Variants in XPC observed in about 807,000 individuals in gnomAD.
XPC encodes the protein XPC complex subunit, DNA damage recognition and repair factor.
In XPC, 76 loss-of-function variants were observed where a neutral mutation model predicts 95.8. That is an observed-to-expected ratio of 0.79 (90% CI 0.66 to 0.96). The LOEUF is 0.96. XPC is among the 40% of genes least tolerant of loss of function. The pLI is 0.00. For missense variants in XPC, 1,146 were observed against 1,179.8 expected (o/e 0.97, Z 0.42); for synonymous variants, 442 against 442.1 (o/e 1.00, Z 0.00).
rs758310257 is a variant in XPC, at chr3:14,178,535, G to C, written c.34C>G (p.Arg12Gly). Reference protein sequence around the residue: ...ARKRAAGGEPRGRELRSQKSK... With the variant: ...ARKRAAGGEPGGRELRSQKSK... ...TTCTGGCTGCGCAGTTCGCGTCCCCGCGGCTCCCCGCCGGCCGCGCGTTTC... is the reference window on the plus strand; with the variant it reads ...TTCTGGCTGCGCAGTTCGCGTCCCCCCGGCTCCCCGCCGGCCGCGCGTTTC... The change falls in exon 1 of 16, where the codon CGG (arginine) becomes GGG (glycine). Residue 12 changes from arginine to glycine, a missense_variant. Transcript: ENST00000285021. 1.5e-5 allele frequency: 25 copies of C among 1,612,960 alleles called. No homozygotes were observed. Among genetic ancestry groups the C allele is most frequent in the Non-Finnish European group, 2.0e-5 (24 of 1,179,614 alleles).
At position 14,167,248 on chromosome 3, in the gene XPC, T is replaced by G; in HGVS notation, c.542A>C (p.Lys181Thr). 2 of 1,611,696 alleles carry G rather than the reference T, an allele frequency of 1.2e-6. No individual in the cohort carries two copies. The highest frequency in any genetic ancestry group is 1.7e-6 in the Non-Finnish European group (2 of 1,178,836). The change falls in exon 5 of 16, where the codon AAG becomes ACG. Residue 181 changes from lysine (K) to threonine (T), a missense_variant. Coordinates refer to ENST00000285021, the MANE Select transcript of XPC (RefSeq NM_004628.5). ...ATATGTCTCAAACTCCAGTTTTATCTTTTCACTGCAACAAATAGTGAAAAA... is the reference window on the plus strand; with the variant it reads ...ATATGTCTCAAACTCCAGTTTTATCGTTTCACTGCAACAAATAGTGAAAAA... ...EQAKTRERSE[K>T]IKLEFETYLR...
At chr3:14,156,742 T>G (rs913449367) in intron 9 of XPC, among the ~76,000 whole-genome samples, 2 of 152,202 alleles carry the variant, frequency 1.3e-5, no homozygotes, top group African/African-American at 4.8e-5. Context: ...TCTAACCTAT[T>G]TGAATGCTTA....
Position 14,145,307 on chromosome 3 carries a change from CTTTCCTGAT to C in XPC, c.*625_*633del. 2 of 697,436 alleles carry C rather than the reference CTTTCCTGAT, an allele frequency of 2.9e-6. No individual in the cohort carries two copies. Among genetic ancestry groups the C allele is most frequent in the Non-Finnish European group, 5.2e-6 (2 of 383,838 alleles). 43.2% of individuals were successfully genotyped at this position (697,436 alleles called of 1,614,324 possible). ...ATTTTCAATTCGTATTTTTCCTTTTCTTTCCTGATTTTAGCTTTTTTTAGGCTTCTGTCA... is the reference window on the plus strand; with the variant it reads ...ATTTTCAATTCGTATTTTTCCTTTTCTTTAGCTTTTTTTAGGCTTCTGTCA... On this transcript the variant is annotated 3_prime_UTR_variant, in exon 16 of 16. Transcript: ENST00000285021.
chr3:14,169,048 T>C (rs1207546655), intron 3 of XPC, among the ~76,000 whole-genome samples: 1 of 152,216 alleles, frequency 6.6e-6, no homozygotes, highest in Non-Finnish European at 1.5e-5. Flanking sequence ...TTGGTCTCTA[T>C]ACATGAATCT....
chr3:14,158,798 G>A lies in XPC; in HGVS notation c.1085C>T (p.Thr362Ile). The change falls in exon 9 of 16, where the codon ACC (threonine) becomes ATC (isoleucine). Residue 362 changes from threonine (T) to isoleucine (I), a missense_variant. Thr to Ile is a moderately conservative substitution (Grantham distance 89, BLOSUM62 -1). Coordinates refer to ENST00000285021, the MANE Select transcript of XPC (RefSeq NM_004628.5). This position sits in a 1 kb window ranked among gnomAD's most constrained non-coding sequence, Gnocchi z 5.2. ...TTCCTCTTGTTTGGTTCCTTTGCTG[G>A]TCTTTGGTTTGGTGTGGTTTTCTAG... is the stretch of plus-strand genomic sequence containing the variant. ...QVLENHTKPK[T>I]SKGTKQEETF... 1 of 1,613,902 alleles carries A rather than the reference G, an allele frequency of 6.2e-7. No homozygotes were observed. The highest frequency in any genetic ancestry group is 8.5e-7 in the Non-Finnish European group (1 of 1,179,876).
intron 5 of XPC, 127 bp from the exon 6 acceptor site, chr3:14,165,712 G>A: frequency 8.7e-7 from 1 of 1,154,250 alleles, no homozygotes. Context: ...ATATAAGAAA[G>A]TAAAAACACT....
Position 14,146,138 on chromosome 3 carries a change from T to C in XPC, c.2626A>G (p.Thr876Ala). ...GAAGAGAGTCCACCTCCTGCATCTG[T>C]GTGGGGAGCTGCTGCCTCACTCTGG... is the stretch of plus-strand genomic sequence containing the variant. ...GPKSEAAAPH[T>A]DAGGGLSSDE... Residue 876 changes from threonine to alanine, a missense_variant, in exon 16 of 16, where the codon ACA (threonine) becomes GCA (alanine). Transcript: ENST00000285021. 6.2e-7 allele frequency: 1 copy of C among 1,609,406 alleles called. No homozygotes were observed. The highest frequency in any genetic ancestry group is 8.5e-7 in the Non-Finnish European group (1 of 1,178,698).
intron 5 of XPC, 146 bp from the exon 6 acceptor site, chr3:14,165,731 C>T: frequency 1.1e-6 from 1 of 902,960 alleles, no homozygotes; most frequent in Non-Finnish European, 1.7e-6. Flanking sequence ...CTAGCATTGG[C>T]CACTTCCCAA....
chr3:14,167,156 T>C lies in XPC; in HGVS notation c.621+13A>G, dbSNP rs1696415140. ...ACAAGGAAAAGTCCTTCCCCATCAT[T>C]CCTTGCCCTTACCTTGTGTGTGTCC... On this transcript the variant is annotated intron_variant, in intron 5 of 15. Transcript: ENST00000285021. 1 of 1,575,840 alleles carries C rather than the reference T, an allele frequency of 6.3e-7. No individual in the cohort carries two copies. The highest frequency in any genetic ancestry group is 8.6e-7 in the Non-Finnish European group (1 of 1,158,448).
chr3:14,148,566 G>A lies in XPC; in HGVS notation c.2416C>T (p.Pro806Ser). 1 of 1,613,810 alleles carries A rather than the reference G, an allele frequency of 6.2e-7. No homozygotes were observed. Among genetic ancestry groups the A allele is most frequent in the Non-Finnish European group, 8.5e-7 (1 of 1,179,816 alleles). ...CATCGAAGGCCCCTCACGCACACGG[G>A]ATGGGAGTAGCCGCCATGGAAATCA... ...GFDFHGGYSHPVTDGYIVCEE... is the reference protein window; with the variant it reads ...GFDFHGGYSHSVTDGYIVCEE... The change falls in exon 13 of 16, where the codon CCC becomes TCC. Residue 806 changes from proline (P) to serine (S), a missense_variant. By Grantham distance (74) the Pro-to-Ser change is moderately conservative. Coordinates refer to ENST00000285021, the MANE Select transcript of XPC (RefSeq NM_004628.5).
Position 14,159,773 on chromosome 3 carries a change from G to A in XPC, c.958C>T (p.Gln320Ter), listed in dbSNP as rs867461743. The change falls in exon 8 of 16, where the codon CAG becomes TAG. Residue 320 changes from glutamine to a stop codon, truncating the protein, a stop_gained. Coordinates refer to ENST00000285021, the MANE Select transcript of XPC (RefSeq NM_004628.5). LOFTEE classifies it high-confidence loss of function. The part of the protein sequence containing the change: ...QLLTRLVLSL[Q>*]PIPLKSATAK... The stretch of plus-strand genomic sequence containing the variant: ...GTTGCTGACTTCAGAGGAATTGGCT[G>A]TAGAGACAATACCAGCCGGGTCAAG... 1.9e-6 allele frequency: 3 copies of A among 1,563,854 alleles called. No individual in the cohort carries two copies. Among genetic ancestry groups the A allele is most frequent in the East Asian group, 2.4e-5 (1 of 41,950 alleles).
rs139638557 is a variant in XPC at position 14,176,892 on chromosome 3, G to A, written c.103+1574C>T. On this transcript the variant is annotated intron_variant, in intron 1 of 15. Transcript: ENST00000285021. ...GAGGCAAACGGATCACCTGAGGTCA[G>A]GAGTTTGAGACCAGCCTGGCCAACA... 2.0e-3 allele frequency among the ~76,000 whole-genome samples: 307 copies of A among 152,334 alleles called. 1 individual carries two copies. The highest frequency in any genetic ancestry group is 6.8e-3 in the African/African-American group (284 of 41,574).
chr3:14,178,420 C>A, intron 1 of XPC, 46 bp downstream of exon 1: 1 of 1,560,106 alleles, frequency 6.4e-7, no homozygotes, highest in African/African-American at 1.4e-5. Flanking sequence ...GCCTCCTCCG[C>A]CCACCGGCGG....
chr3:14,148,454 C>T, intron 13 of XPC, 108 bp downstream of exon 13: 2 of 1,438,862 alleles, frequency 1.4e-6, no homozygotes, highest in South Asian at 1.3e-5. Context: ...AAAATTGGAG[C>T]CACCAGGCCT....
intron 2 of XPC, among the ~76,000 whole-genome samples, chr3:14,172,557 G>A (rs1347383993): frequency 6.6e-6 from 1 of 152,208 alleles, no homozygotes; most frequent in Non-Finnish European, 1.5e-5. Context: ...GGAATGGCAG[G>A]TAAATATTTT....
intron 13 of XPC, 189 bp downstream of exon 13, chr3:14,148,373 G>T: frequency 1.3e-6 from 1 of 768,158 alleles, no homozygotes; most frequent in Non-Finnish European, 2.0e-6. Flanking sequence ...CAGTTTCATT[G>T]GCTCCGTTCC....
At chr3:14,171,838 GGGGAC>G (rs755570267) in intron 2 of XPC, among the ~76,000 whole-genome samples, 1 of 152,094 alleles carries the variant, frequency 6.6e-6, no homozygotes, top group African/African-American at 2.4e-5. Flanking sequence ...GGACCGGGAT[GGGGAC>G]GGGACGGGGC....
chr3:14,164,644 C>G lies in XPC; in HGVS notation c.900+169G>C, dbSNP rs1696298112. The stretch of plus-strand genomic sequence containing the variant: ...ATTCTCAGGCTCACCAAGGAAAAGA[C>G]CTTAGAGGCATCATGTAGCTATTCT... On this transcript the variant is annotated intron_variant, in intron 7 of 15. Transcript: ENST00000285021. 4.7e-6 allele frequency: 3 copies of G among 635,822 alleles called. No homozygotes were observed. The Admixed American group carries it at 1.1e-4, about 23-fold the overall frequency. The allele number at this position is 635,822 out of a possible 1,614,324, so 39.4% of individuals were successfully genotyped here.
At chr3:14,147,695 G>C (rs1695496491) in intron 14 of XPC, 7 of 600,160 alleles carry the variant, frequency 1.2e-5, no homozygotes, top group Admixed American at 3.1e-5. Context: ...AGACCCCAGA[G>C]CCCGGACCCA....
Sources: allele counts gnomAD v4.1 joint callset (sites outside exome capture counted in the v4.1 genomes callset), GRCh38; gene constraint gnomAD v4.1.1; non-coding constraint Gnocchi (gnomAD v3.1); transcripts MANE v1.5; gene names NCBI Gene and HGNC (gene_info 2026-07-23, HGNC 2026-07-21).